The following NPAS3 variants were observed in gnomAD, a reference collection of about 807,000 sequenced individuals.
NPAS3 encodes the protein neuronal PAS domain protein 3, also known as neuronal PAS domain-containing protein 3.
A neutral mutation model predicts 73.1 loss-of-function variants in NPAS3; 14 were observed. The observed-to-expected ratio is 0.19, with a 90% CI of 0.13 to 0.30. The LOEUF is 0.30. NPAS3 is among the 10% of genes least tolerant of loss of function. The pLI, the probability that NPAS3 is intolerant of heterozygous loss-of-function variation, is 1.00. For missense variants in NPAS3, 1,096 were observed against 1,250.0 expected (o/e 0.88, Z 1.86); for synonymous variants, 620 against 541.5 (o/e 1.14, Z -2.01).
chr14:33,620,646 T>C (rs542799303), intron 5 of NPAS3, among the ~76,000 whole-genome samples: 1 of 152,328 alleles, frequency 6.6e-6, no homozygotes, highest in Non-Finnish European at 1.5e-5. Flanking sequence ...TTGAAATTAA[T>C]TTCAAAAATC....
rs77072117 is a variant in NPAS3 at position 33,039,925 on chromosome 14, A to G, written c.51-15980A>G. On this transcript the variant is annotated intron_variant, in intron 1 of 11. Transcript: ENST00000356141. ...TGTATGTTTCAGTCATTTCCTTGAT[A>G]GAATTCTGTTTGGTGATCTATTTAA... Among the ~76,000 whole-genome samples, 546 of 152,318 alleles carry G rather than the reference A, an allele frequency of 3.6e-3. 1 individual carries two copies. Among genetic ancestry groups the G allele is most frequent in the Non-Finnish European group, 5.8e-3 (397 of 68,026 alleles).
At chr14:33,378,180 C>T (rs2046386732) in intron 4 of NPAS3, among the ~76,000 whole-genome samples, 1 of 152,192 alleles carries the variant, frequency 6.6e-6, no homozygotes, top group Non-Finnish European at 1.5e-5. Flanking sequence ...TGAGATACTA[C>T]ACAAAGGTGC....
At chr14:33,389,336 A>G (rs1038943954) in intron 4 of NPAS3, among the ~76,000 whole-genome samples, 3 of 152,202 alleles carry the variant, frequency 2.0e-5, no homozygotes, top group East Asian at 3.8e-4. Flanking sequence ...TTCTTTTAAG[A>G]TCTGTTTGAA....
chr14:33,585,745 C>T lies in NPAS3; in HGVS notation c.558+25535C>T, dbSNP rs542293216. Among the ~76,000 whole-genome samples, 58 of 152,118 alleles carry T rather than the reference C, an allele frequency of 3.8e-4. 1 individual carries two copies. Among genetic ancestry groups the T allele is most frequent in the African/African-American group, 1.3e-3 (52 of 41,494 alleles). ...CTCCTCATAATTTCTTTTAGTTTTC[C>T]GCTGAGAATCATGCTGGTGCCTAAT... On this transcript the variant is annotated intron_variant, in intron 5 of 11. Transcript: ENST00000356141.
At chr14:32,990,768 A>C (rs2038297324) in intron 1 of NPAS3, among the ~76,000 whole-genome samples, 1 of 152,000 alleles carries the variant, frequency 6.6e-6, no homozygotes, top group African/African-American at 2.4e-5. Context: ...TCTACAAAAA[A>C]ATTTAAAAAA....
At chr14:33,672,788 C>T (rs1221149318) in intron 5 of NPAS3, among the ~76,000 whole-genome samples, 1 of 152,040 alleles carries the variant, frequency 6.6e-6, no homozygotes, top group African/African-American at 2.4e-5. Flanking sequence ...CTGTTTCTAC[C>T]ACTAAACAGC....
At chr14:33,003,360 A>G (rs2038878679) in intron 1 of NPAS3, among the ~76,000 whole-genome samples, 3 of 152,170 alleles carry the variant, frequency 2.0e-5, no homozygotes, top group South Asian at 2.1e-4. Context: ...AAGTTTATCA[A>G]TTTAAGCAGG....
chr14:33,649,354 C>T lies in NPAS3; in HGVS notation c.559-26857C>T, dbSNP rs185590037. Among the ~76,000 whole-genome samples, 9 of 152,330 alleles carry T rather than the reference C, an allele frequency of 5.9e-5. No homozygotes were observed. In the South Asian group the frequency reaches 1.2e-3, roughly 21 times the overall value. On this transcript the variant is annotated intron_variant, in intron 5 of 11. Transcript: ENST00000356141. The stretch of plus-strand genomic sequence containing the variant: ...GACAAAACTGGCTCAAGAGACATGA[C>T]GCTGGAAACCAGCATAGTTACACCA...
chr14:33,307,593 A>ATGTGTGTG lies in NPAS3; in HGVS notation c.386-59581_386-59574dup, dbSNP rs10528551. 8.1e-4 allele frequency among the ~76,000 whole-genome samples: 113 copies of ATGTGTGTG among 139,030 alleles called. 2 individuals carry two copies. The highest frequency in any genetic ancestry group is 3.6e-3 in the Middle Eastern group (1 of 280). The allele number at this position is 139,030 out of a possible 152,430, so 91.2% of individuals were successfully genotyped here. A position where few individuals can be genotyped will look rare whatever the true frequency, so the allele number is the denominator to read the frequency against. ...TTTCACCTCACCAGGTTTTTTTTCAATGTGTGTGTGTGTGTGTGTTCGTGT... is the reference window on the plus strand; with the variant it reads ...TTTCACCTCACCAGGTTTTTTTTCAATGTGTGTGTGTGTGTGTGTGTGTGTGTTCGTGT... On this transcript the variant is annotated intron_variant, in intron 3 of 11. Transcript: ENST00000356141.
chr14:33,744,028 C>T (rs2140708808), intron 7 of NPAS3, among the ~76,000 whole-genome samples: 1 of 152,368 alleles, frequency 6.6e-6, no homozygotes, highest in Non-Finnish European at 1.5e-5. Flanking sequence ...TTCTCCCTAA[C>T]AGCAGTAAGG....
At chr14:33,683,451 AGGT>A (rs1382118995) in intron 6 of NPAS3, among the ~76,000 whole-genome samples, 3 of 149,744 alleles carry the variant, frequency 2.0e-5, no homozygotes, top group Admixed American at 1.3e-4. Context: ...AAAAAAAAAA[AGGT>A]GGCCGTCTCT....
chr14:33,425,087 CAAT>C (rs1566891328), intron 4 of NPAS3, among the ~76,000 whole-genome samples: 1 of 151,884 alleles, frequency 6.6e-6, no homozygotes, highest in African/African-American at 2.4e-5. Flanking sequence ...GAAAAACAGA[CAAT>C]AAACAGCATC....
At chr14:33,750,458 G>A (rs1349105079) in intron 7 of NPAS3, among the ~76,000 whole-genome samples, 2 of 152,136 alleles carry the variant, frequency 1.3e-5, no homozygotes, top group Non-Finnish European at 2.9e-5. Context: ...AGACTGATAT[G>A]AAATAACTAA....
rs1325282410 is a variant in NPAS3, at chr14:33,784,741, A to ATTTTT, written c.1153+6172_1153+6173insTTTTT. The stretch of plus-strand genomic sequence containing the variant: ...GTTATTTTTATTTATTTATTTATTT[A>ATTTTT]TTTATTTTTTTTTTTTTTTTTTTTT... On this transcript the variant is annotated intron_variant, in intron 9 of 11. Transcript: ENST00000356141. Among the ~76,000 whole-genome samples the ATTTTT allele has an allele frequency of 4.4e-3, 321 of 72,670 alleles. 7 individuals carry two copies. Among genetic ancestry groups the ATTTTT allele is most frequent in the East Asian group, 7.7e-3 (18 of 2,338 alleles). 47.7% of individuals were successfully genotyped at this position (72,670 alleles called of 152,430 possible).
At chr14:33,364,311 A>C (rs1426233914) in intron 3 of NPAS3, among the ~76,000 whole-genome samples, 6 of 152,216 alleles carry the variant, frequency 3.9e-5, no homozygotes, top group African/African-American at 1.4e-4. Flanking sequence ...TTATCAGATT[A>C]TTGTCTCAGT....
chr14:33,231,807 T>C (rs941767169), intron 3 of NPAS3, among the ~76,000 whole-genome samples: 1 of 152,190 alleles, frequency 6.6e-6, no homozygotes, highest in Admixed American at 6.5e-5. Flanking sequence ...ACTCTTTAAG[T>C]AAACTTAGAT....
intron 2 of NPAS3, among the ~76,000 whole-genome samples, chr14:33,063,809 T>C (rs1055673179): frequency 2.1e-4 from 32 of 152,200 alleles, no homozygotes; most frequent in African/African-American, 7.7e-4. Context: ...GCTTGGCATA[T>C]AGTAAACATA....
intron 2 of NPAS3, among the ~76,000 whole-genome samples, chr14:33,077,459 GTTGGAGGAGGAATGTAT>G (rs2041697745): frequency 1.3e-5 from 2 of 152,052 alleles, no homozygotes; most frequent in Non-Finnish European, 2.9e-5. Context: ...ATTCTACTTT[GTTGGAGGAGGAATGTAT>G]TTGACAGAGC....
intron 6 of NPAS3, among the ~76,000 whole-genome samples, chr14:33,698,992 C>T (rs1223408893): frequency 6.6e-6 from 1 of 152,142 alleles, no homozygotes; most frequent in Admixed American, 6.5e-5. Context: ...CAAGTGAAAG[C>T]AGGTACAGCC....
Sources: allele counts gnomAD v4.1 joint callset (sites outside exome capture counted in the v4.1 genomes callset), GRCh38; gene constraint gnomAD v4.1.1; transcripts MANE v1.5; gene names NCBI Gene and HGNC (gene_info 2026-07-23, HGNC 2026-07-21).